HS6ST2: variants seen among roughly 807,000 people sequenced by gnomAD.
HS6ST2 encodes the protein heparan sulfate 6-O-sulfotransferase 2.
A neutral mutation model predicts 33.0 loss-of-function variants in HS6ST2; 17 were observed. That is an observed-to-expected ratio of 0.52 (90% CI 0.35 to 0.77). The LOEUF (loss-of-function observed/expected upper bound fraction) is 0.77, where lower values mean the gene tolerates loss of function less well. Among genes scored for constraint, HS6ST2 ranks in the 30% least tolerant of loss-of-function variants. The pLI is 0.01. For missense variants in HS6ST2, 519 were observed against 551.7 expected (o/e 0.94, Z 0.59); for synonymous variants, 248 against 237.1 (o/e 1.05, Z -0.42).
chrX:132,685,126 A>G (rs1172348228), intron 3 of HS6ST2, among the ~76,000 whole-genome samples: 4 of 111,940 alleles, frequency 3.6e-5, no homozygotes, highest in Non-Finnish European at 7.5e-5. Context: ...TACCAGAGCA[A>G]ACAGAGGCTC....
intron 3 of HS6ST2, among the ~76,000 whole-genome samples, chrX:132,683,168 ACTCTTT>A (rs988557104): frequency 1.8e-5 from 2 of 110,007 alleles, no homozygotes; most frequent in Non-Finnish European, 3.8e-5. Context: ...TCCCTTAAGG[ACTCTTT>A]CTCTACTCAT....
At chrX:132,721,674 C>T (rs184863143) in intron 2 of HS6ST2, among the ~76,000 whole-genome samples, 7 of 111,584 alleles carry the variant, frequency 6.3e-5, no homozygotes, top group African/African-American at 2.3e-4. Context: ...TATTTCTTTC[C>T]TTTTGCTGAA....
intron 4 of HS6ST2, among the ~76,000 whole-genome samples, chrX:132,659,504 A>G (rs981236759): frequency 2.7e-5 from 3 of 111,822 alleles, no homozygotes; most frequent in African/African-American, 9.8e-5. Context: ...TCAAGTTGAA[A>G]TACTAAAGAT....
chrX:132,669,044 G>C, intron 4 of HS6ST2, 69 bp downstream of exon 4: 1 of 679,246 alleles, frequency 1.5e-6, no homozygotes, highest in Admixed American at 2.7e-5. Context: ...ATGAATAAAT[G>C]ACAAAAGGAG....
chrX:132,822,806 C>G (rs1441938946), intron 2 of HS6ST2, among the ~76,000 whole-genome samples: 1 of 112,156 alleles, frequency 8.9e-6, no homozygotes, highest in Non-Finnish European at 1.9e-5. Context: ...GAGGTTGTTT[C>G]AGTCAGAGGC....
chrX:132,704,881 C>T (rs1158589317), intron 3 of HS6ST2, among the ~76,000 whole-genome samples: 1 of 111,972 alleles, frequency 8.9e-6, no homozygotes, highest in South Asian at 3.7e-4. Flanking sequence ...AAGCTAGATT[C>T]CTCCATCTGC....
intron 2 of HS6ST2, among the ~76,000 whole-genome samples, chrX:132,917,377 T>A (rs2066604485): frequency 9.0e-6 from 1 of 111,169 alleles, no homozygotes; most frequent in Non-Finnish European, 1.9e-5. Flanking sequence ...GGCGGGCGGA[T>A]CACTTGAGGC....
chrX:132,887,708 T>C (rs1262591484), intron 2 of HS6ST2, among the ~76,000 whole-genome samples: 1 of 112,300 alleles, frequency 8.9e-6, no homozygotes, highest in Admixed American at 9.4e-5. Context: ...CAAATATTCA[T>C]AGCAACATTA....
intron 4 of HS6ST2, among the ~76,000 whole-genome samples, chrX:132,651,348 A>C (rs190648402): frequency 1.9e-3 from 218 of 111,855 alleles, no homozygotes; most frequent in African/African-American, 6.6e-3. Context: ...CAAGTGCCCC[A>C]AATACTTCCC....
rs182833919 is a variant in HS6ST2 at position 132,954,917 on chromosome X, C to G, written c.947+1891G>C. 9.9e-4 allele frequency among the ~76,000 whole-genome samples: 111 copies of G among 111,726 alleles called. 1 individual carries two copies. The highest frequency in any genetic ancestry group is 2.7e-3 in the African/African-American group (84 of 30,715). On this transcript the variant is annotated intron_variant, in intron 2 of 4. Coordinates refer to ENST00000370833, the MANE Select transcript of HS6ST2 (RefSeq NM_001394073.1). Reference sequence around the variant, plus strand: ...GGAATCTGCCAGAGGACAGTAGCCACCAAACAGATAATCTAGACCACATTA... The same window carrying G: ...GGAATCTGCCAGAGGACAGTAGCCAGCAAACAGATAATCTAGACCACATTA...
Position 132,881,092 on chromosome X carries a change from T to C in HS6ST2, c.947+75716A>G, listed in dbSNP as rs200779762. On this transcript the variant is annotated intron_variant, in intron 2 of 4. Coordinates refer to ENST00000370833, the MANE Select transcript of HS6ST2 (RefSeq NM_001394073.1). ...AATAGTGCCACAATAAACATACATG[T>C]GCATGTGTCTTTATAGCAGCACGAT... Among the ~76,000 whole-genome samples, 252 of 111,304 alleles carry C rather than the reference T, an allele frequency of 2.3e-3. 3 individuals carry two copies. In the East Asian group the frequency reaches 0.036, roughly 16 times the overall value.
At chrX:132,635,633 T>C (rs1273746804) in intron 4 of HS6ST2, among the ~76,000 whole-genome samples, 3 of 111,013 alleles carry the variant, frequency 2.7e-5, no homozygotes, top group South Asian at 7.7e-4. Context: ...CACTTGGCAA[T>C]ATCTGGGGAT....
intron 2 of HS6ST2, among the ~76,000 whole-genome samples, chrX:132,930,474 G>C (rs770184634): frequency 1.8e-5 from 2 of 111,310 alleles, no homozygotes; most frequent in South Asian, 7.6e-4. Flanking sequence ...CACTGGAAAG[G>C]CTCTTTGTCC....
At chrX:132,848,308 C>T (rs1482372711) in intron 2 of HS6ST2, among the ~76,000 whole-genome samples, 1 of 112,546 alleles carries the variant, frequency 8.9e-6, no homozygotes, top group Non-Finnish European at 1.9e-5. Context: ...TGTCTCCATG[C>T]TCAGAGATGC....
At chrX:132,866,011 T>C (rs2065974240) in intron 2 of HS6ST2, among the ~76,000 whole-genome samples, 1 of 112,018 alleles carries the variant, frequency 8.9e-6, no homozygotes, top group Non-Finnish European at 1.9e-5. Context: ...ATTTTGGCTT[T>C]TGTTGCAGTT....
intron 2 of HS6ST2, among the ~76,000 whole-genome samples, chrX:132,781,878 T>C (rs1209723223): frequency 8.9e-6 from 1 of 111,977 alleles, no homozygotes; most frequent in Non-Finnish European, 1.9e-5. Context: ...GGGATTACAA[T>C]TCAAGATGTG....
chrX:132,883,555 C>T (rs374127432), intron 2 of HS6ST2, among the ~76,000 whole-genome samples: 3 of 111,149 alleles, frequency 2.7e-5, no homozygotes, highest in Non-Finnish European at 3.8e-5. Context: ...TTGTACAGAG[C>T]GCCCTTAACA....
At chrX:132,702,260 A>C (rs1207394718) in intron 3 of HS6ST2, among the ~76,000 whole-genome samples, 5 of 112,800 alleles carry the variant, frequency 4.4e-5, no homozygotes, top group Non-Finnish European at 9.4e-5. Flanking sequence ...TTCCCTTTAC[A>C]GAAATAGGCA....
At chrX:132,717,134 A>G (rs1386265515) in intron 2 of HS6ST2, among the ~76,000 whole-genome samples, 2 of 113,250 alleles carry the variant, frequency 1.8e-5, no homozygotes, top group African/African-American at 3.2e-5. Context: ...GGATCAGACA[A>G]TGGAGACACA....
Sources: allele counts gnomAD v4.1 joint callset (sites outside exome capture counted in the v4.1 genomes callset), GRCh38; gene constraint gnomAD v4.1.1; transcripts MANE v1.5; gene names NCBI Gene and HGNC (gene_info 2026-07-23, HGNC 2026-07-21).